RETREG1: variants seen among roughly 807,000 people sequenced by gnomAD.
The protein encoded by RETREG1 is family with sequence similarity 134 member B.
RETREG1 carries 44 observed loss-of-function variants against 54.8 expected under a neutral mutation model. The ratio of observed to expected loss-of-function variants is 0.80; its 90% CI spans 0.63 to 1.03. The LOEUF (loss-of-function observed/expected upper bound fraction) is 1.03, where lower values mean the gene tolerates loss of function less well. Among genes scored for constraint, RETREG1 ranks in the 50% least tolerant of loss-of-function variants. RETREG1 has a pLI of 0.00. For missense variants in RETREG1, 554 were observed against 605.1 expected (o/e 0.92, Z 0.89); for synonymous variants, 217 against 238.5 (o/e 0.91, Z 0.83).
At chr5:16,586,551 C>G (rs1420029503) in intron 1 of RETREG1, among the ~76,000 whole-genome samples, 1 of 152,126 alleles carries the variant, frequency 6.6e-6, no homozygotes, top group Non-Finnish European at 1.5e-5. Flanking sequence ...GTCAGAGCTC[C>G]AAGGAGAGGT....
At chr5:16,553,300 C>T (rs1741594409) in intron 3 of RETREG1, among the ~76,000 whole-genome samples, 1 of 143,040 alleles carries the variant, frequency 7.0e-6, no homozygotes, top group African/African-American at 2.7e-5. Flanking sequence ...TACACAGCAA[C>T]ACAACTGATC....
chr5:16,604,529 A>G (rs1743133786), intron 1 of RETREG1, among the ~76,000 whole-genome samples: 1 of 152,230 alleles, frequency 6.6e-6, no homozygotes, highest in Non-Finnish European at 1.5e-5. Context: ...CAATAGCCAC[A>G]ATGCTTTACC....
At chr5:16,539,093 A>G (rs1277238097) in intron 3 of RETREG1, among the ~76,000 whole-genome samples, 1 of 152,196 alleles carries the variant, frequency 6.6e-6, no homozygotes, top group Non-Finnish European at 1.5e-5. Flanking sequence ...TAAAGCCCAG[A>G]CATCAGTATA....
intron 3 of RETREG1, among the ~76,000 whole-genome samples, chr5:16,492,253 C>T (rs72744110): frequency 7.1e-6 from 1 of 140,126 alleles, no homozygotes; most frequent in East Asian, 2.0e-4. Context: ...ACACACACAC[C>T]ATTCTTGTTA....
In RETREG1 at chr5:16,475,156, T is replaced by C; in HGVS notation, c.1079A>G (p.Asn360Ser). ...ACCAAGGCTTAATTCATCTTCATCA[T>C]TTGTTCCCATGCCATTTTCTAGAGA... is the stretch of plus-strand genomic sequence containing the variant. ...FPSLENGMGT[N>S]DEDELSLGLP... Residue 360 changes from asparagine to serine, a missense_variant, in exon 9 of 9, where the codon AAT (asparagine) becomes AGT (serine). Around this residue, in one of 4 missense-constraint regions of RETREG1, gnomAD observed 347 missense variants for 412.3 expected, o/e 0.84. Coordinates refer to ENST00000306320, the MANE Select transcript of RETREG1 (RefSeq NM_001034850.3). The C allele has an allele frequency of 6.2e-7, 1 of 1,613,950 alleles. No homozygotes were observed. Among genetic ancestry groups the C allele is most frequent in the Non-Finnish European group, 8.5e-7 (1 of 1,179,912 alleles).
At chr5:16,531,166 C>A (rs1740905714) in intron 3 of RETREG1, among the ~76,000 whole-genome samples, 1 of 152,144 alleles carries the variant, frequency 6.6e-6, no homozygotes, top group South Asian at 2.1e-4. Flanking sequence ...TTTATATAAT[C>A]TTTATAATGT....
chr5:16,545,097 A>T (rs561923471), intron 3 of RETREG1, among the ~76,000 whole-genome samples: 1 of 152,290 alleles, frequency 6.6e-6, no homozygotes, highest in South Asian at 2.1e-4. Context: ...TTTCAATTGC[A>T]AAAGCACAGC....
chr5:16,533,105 C>T (rs1191473635), intron 3 of RETREG1, among the ~76,000 whole-genome samples: 3 of 151,592 alleles, frequency 2.0e-5, no homozygotes, highest in African/African-American at 4.9e-5. Flanking sequence ...AGTGCAGTGG[C>T]GCTACCTAGG....
chr5:16,569,847 G>T, intron 2 of RETREG1, among the ~76,000 whole-genome samples: 1 of 152,254 alleles, frequency 6.6e-6, no homozygotes, highest in East Asian at 1.9e-4. Flanking sequence ...CTTACAAGAG[G>T]AAGATGGAGA....
chr5:16,577,744 A>T (rs1742367967), intron 1 of RETREG1, among the ~76,000 whole-genome samples: 1 of 152,086 alleles, frequency 6.6e-6, no homozygotes, highest in African/African-American at 2.4e-5. Flanking sequence ...CAATTGAATC[A>T]CAGGGGCGGT....
chr5:16,491,083 C>G (rs1739223557), intron 3 of RETREG1, among the ~76,000 whole-genome samples: 1 of 152,210 alleles, frequency 6.6e-6, no homozygotes, highest in African/African-American at 2.4e-5. Flanking sequence ...TGGCAACTAT[C>G]TGCTAAGCTC....
intron 3 of RETREG1, among the ~76,000 whole-genome samples, chr5:16,489,885 C>A (rs1330031012): frequency 6.6e-6 from 1 of 152,138 alleles, no homozygotes; most frequent in Non-Finnish European, 1.5e-5. Flanking sequence ...AATGTAAGAT[C>A]TTTTCACTAT....
intron 1 of RETREG1, among the ~76,000 whole-genome samples, chr5:16,587,823 C>G (rs1742663030): frequency 6.6e-6 from 1 of 152,222 alleles, no homozygotes; most frequent in African/African-American, 2.4e-5. Flanking sequence ...CTGCCTGGTT[C>G]TCCCGCAGCA....
intron 3 of RETREG1, among the ~76,000 whole-genome samples, chr5:16,505,330 G>A (rs942427839): frequency 5.3e-5 from 8 of 152,094 alleles, no homozygotes; most frequent in Non-Finnish European, 8.8e-5. Context: ...CAGCCTGCAC[G>A]CCAGGTACTC....
chr5:16,501,460 G>A (rs1219299655), intron 3 of RETREG1, among the ~76,000 whole-genome samples: 1 of 152,238 alleles, frequency 6.6e-6, no homozygotes, highest in East Asian at 1.9e-4. Flanking sequence ...CCATGTAGAA[G>A]AGCTATTTAT....
intron 8 of RETREG1, 79 bp from the exon 9 acceptor site, chr5:16,475,313 C>G (rs186347110): frequency 1.4e-4 from 208 of 1,529,412 alleles, no homozygotes; most frequent in Non-Finnish European, 9.8e-5. Flanking sequence ...AGATATCTGA[C>G]TTTAATCTGA....
At chr5:16,582,465 A>G (rs1238467917) in intron 1 of RETREG1, among the ~76,000 whole-genome samples, 2 of 151,960 alleles carry the variant, frequency 1.3e-5, no homozygotes, top group African/African-American at 4.8e-5. Context: ...CAAGTAACCA[A>G]CTGCCTTATC....
intron 3 of RETREG1, among the ~76,000 whole-genome samples, chr5:16,495,800 C>A (rs200895280): frequency 4.1e-4 from 60 of 144,954 alleles, no homozygotes; most frequent in Non-Finnish European, 3.9e-4. Flanking sequence ...GACTCTGTCT[C>A]AAAAAAAAAA....
chr5:16,616,674 C>T lies in RETREG1; in HGVS notation c.298G>A (p.Val100Ile). Residue 100 changes from valine (V) to isoleucine (I), a missense_variant, in exon 1 of 9, where the codon GTC becomes ATC. Transcript: ENST00000306320. ...KRPLRSLLGF[V>I]AANLLFWFLA... ...CACCAGAACAGCAGGTTGGCAGCGA[C>T]GAAGCCGAGCAGGCTCCGCAGCGGC... The T allele has an allele frequency of 1.3e-6, 2 of 1,596,224 alleles. No homozygotes were observed. The highest frequency in any genetic ancestry group is 1.7e-6 in the Non-Finnish European group (2 of 1,177,352).
Sources: gnomAD v4.1 joint callset for allele counts (sites outside exome capture counted in the v4.1 genomes callset) on GRCh38, gnomAD v4.1.1 for gene constraint, gnomAD v4.1.1 regional missense constraint, MANE v1.5 for transcripts, NCBI Gene and HGNC (gene_info 2026-07-23, HGNC 2026-07-21) for gene names.